Variants in MS4A3 observed in about 807,000 individuals in gnomAD.
MS4A3 encodes membrane spanning 4-domains A3.
In MS4A3, 18 loss-of-function variants were observed where a neutral mutation model predicts 24.7. The ratio of observed to expected loss-of-function variants is 0.73; its 90% CI spans 0.50 to 1.08. The LOEUF (loss-of-function observed/expected upper bound fraction) is 1.08. Ranked by LOEUF, MS4A3 falls within the 50% of genes least tolerant of loss-of-function variation. MS4A3 has a pLI of 0.00. For synonymous variants in MS4A3, 84 were observed against 95.3 expected (o/e 0.88, Z 0.69); for missense variants, 282 against 251.7 (o/e 1.12, Z -0.82).
At chr11:60,065,301 C>T (rs995974864) in intron 4 of MS4A3, among the ~76,000 whole-genome samples, 2 of 151,732 alleles carry the variant, frequency 1.3e-5, no homozygotes, top group African/African-American at 2.4e-5. Flanking sequence ...GTCCTCCTGC[C>T]TCAGCCTCCC....
chr11:60,063,185 A>C (rs192792717), intron 3 of MS4A3, among the ~76,000 whole-genome samples: 1 of 152,178 alleles, frequency 6.6e-6, no homozygotes, highest in Non-Finnish European at 1.5e-5. Context: ...TATATGTTAC[A>C]TTTATAGATA....
intron 5 of MS4A3, 61 bp from the exon 6 acceptor site, chr11:60,069,513 A>AT (rs112586570): frequency 0.016 from 14,636 of 924,910 alleles, no homozygotes; most frequent in South Asian, 0.018. Flanking sequence ...TCCTGCTGAC[A>AT]TTTTTTTTTT....
intron 3 of MS4A3, 162 bp downstream of exon 3, chr11:60,062,767 T>G: frequency 1.9e-6 from 1 of 515,840 alleles, no homozygotes; most frequent in Admixed American, 4.2e-5. Context: ...AAACTCTTTT[T>G]TATTTTTTAA....
At chr11:60,062,918 A>G (rs1855300736) in intron 3 of MS4A3, among the ~76,000 whole-genome samples, 1 of 151,916 alleles carries the variant, frequency 6.6e-6, no homozygotes, top group African/African-American at 2.4e-5. Context: ...CAGTCTCCTG[A>G]GTGGCTGGGA....
intron 5 of MS4A3, 100 bp downstream of exon 5, chr11:60,067,212 C>CTTTTTTTT (rs35764500): frequency 7.3e-6 from 4 of 548,786 alleles, no homozygotes; most frequent in South Asian, 6.8e-5. Context: ...TAATTTGAAT[C>CTTTTTTTT]TTTTTTTTTT....
chr11:60,057,238 G>T (rs1039209507), intron 1 of MS4A3, among the ~76,000 whole-genome samples: 1 of 152,152 alleles, frequency 6.6e-6, no homozygotes, highest in Non-Finnish European at 1.5e-5. Flanking sequence ...TCTGTTAGAT[G>T]GAAAGGATCA....
At chr11:60,059,078 G>A (rs1357912718) in intron 1 of MS4A3, among the ~76,000 whole-genome samples, 1 of 152,190 alleles carries the variant, frequency 6.6e-6, no homozygotes, top group Non-Finnish European at 1.5e-5. Flanking sequence ...AAACTTTGAT[G>A]AAGAGTATTG....
intron 1 of MS4A3, among the ~76,000 whole-genome samples, chr11:60,059,160 G>A (rs1198126928): frequency 6.6e-6 from 1 of 152,034 alleles, no homozygotes; most frequent in East Asian, 1.9e-4. Flanking sequence ...AATTTTTATA[G>A]CAATTCCCAG....
intron 5 of MS4A3, among the ~76,000 whole-genome samples, chr11:60,068,409 G>GT (rs1304133796): frequency 0.042 from 5,077 of 122,154 alleles, 186 homozygotes; most frequent in East Asian, 0.16. Flanking sequence ...CCGGCTAATT[G>GT]TTTTTTTTTT....
At chr11:60,062,754 G>A (rs886869433) in intron 3 of MS4A3, 149 bp downstream of exon 3, 20 of 584,260 alleles carry the variant, frequency 3.4e-5, no homozygotes, top group Admixed American at 7.3e-5. Context: ...AATTAGAGAC[G>A]ATAAACTCTT....
intron 1 of MS4A3, 194 bp from the exon 2 acceptor site, chr11:60,060,952 C>A: frequency 2.4e-6 from 1 of 423,184 alleles, no homozygotes; most frequent in African/African-American, 2.1e-5. Flanking sequence ...CTACAATGAC[C>A]CGATGATGTC....
chr11:60,057,819 A>G (rs1030487674), intron 1 of MS4A3, among the ~76,000 whole-genome samples: 1 of 152,222 alleles, frequency 6.6e-6, no homozygotes, highest in Non-Finnish European at 1.5e-5. Context: ...TTTGAAACAA[A>G]TCAAGTTAAA....
chr11:60,070,516 C>T lies in MS4A3; in HGVS notation c.*283C>T, dbSNP rs1855458233. ...ATGATCATTACTCCAAAGTTGTTTC[C>T]AGAAATTGGTTCTATTTCTTCTTAT... On this transcript the variant is annotated 3_prime_UTR_variant, in exon 7 of 7. Coordinates refer to ENST00000278865, the MANE Select transcript of MS4A3 (RefSeq NM_006138.5). The T allele has an allele frequency of 3.0e-6, 1 of 337,570 alleles. No homozygotes were observed. Among genetic ancestry groups the T allele is most frequent in the Admixed American group, 5.0e-5 (1 of 19,966 alleles). 20.9% of individuals were successfully genotyped at this position (337,570 alleles called of 1,614,324 possible).
At chr11:60,057,744 C>T (rs1855196096) in intron 1 of MS4A3, among the ~76,000 whole-genome samples, 2 of 151,966 alleles carry the variant, frequency 1.3e-5, no homozygotes, top group Non-Finnish European at 2.9e-5. Flanking sequence ...CTGATTTAAC[C>T]AAATTTTAGA....
At chr11:60,065,583 C>G (rs946005515) in intron 4 of MS4A3, among the ~76,000 whole-genome samples, 1 of 152,142 alleles carries the variant, frequency 6.6e-6, no homozygotes, top group Admixed American at 6.6e-5. Context: ...CCCTACTATC[C>G]TTCTGTAACT....
chr11:60,070,105 G>A, intron 6 of MS4A3, 99 bp from the exon 7 acceptor site: 2 of 1,046,828 alleles, frequency 1.9e-6, no homozygotes, highest in Non-Finnish European at 3.0e-6. Context: ...ATCAATGAAT[G>A]GATTTTATTG....
chr11:60,057,455 A>C (rs1370421316), intron 1 of MS4A3, among the ~76,000 whole-genome samples: 1 of 152,198 alleles, frequency 6.6e-6, no homozygotes, highest in East Asian at 1.9e-4. Context: ...CCCAGGCTGG[A>C]GTGCAATGGC....
chr11:60,068,360 C>T (rs901324627), intron 5 of MS4A3, among the ~76,000 whole-genome samples: 3 of 149,084 alleles, frequency 2.0e-5, no homozygotes, highest in Non-Finnish European at 3.0e-5. Context: ...CTGCCTCAGC[C>T]TCCCGAGTAG....
chr11:60,061,616 A>G (rs1381512468), intron 2 of MS4A3: 1 of 372,500 alleles, frequency 2.7e-6, no homozygotes, highest in African/African-American at 2.1e-5. Context: ...AGCTTATTGT[A>G]TATAATATGT....
Sources: gnomAD v4.1 joint callset for allele counts (sites outside exome capture counted in the v4.1 genomes callset) on GRCh38, gnomAD v4.1.1 for gene constraint, MANE v1.5 for transcripts, NCBI Gene and HGNC (gene_info 2026-07-23, HGNC 2026-07-21) for gene names.